Variants in PIK3C2G observed in about 807,000 individuals in gnomAD.
PIK3C2G encodes the protein phosphatidylinositol-4-phosphate 3-kinase catalytic subunit type 2 gamma.
PIK3C2G carries 168 observed loss-of-function variants against 181.1 expected under a neutral mutation model. The observed-to-expected ratio is 0.93, with a 90% confidence interval of 0.82 to 1.05. PIK3C2G has a LOEUF of 1.05. Ranked by LOEUF, PIK3C2G falls within the 50% of genes least tolerant of loss-of-function variation. PIK3C2G has a pLI of 0.00. For synonymous variants in PIK3C2G, 573 were observed against 592.2 expected (o/e 0.97, Z 0.47); for missense variants, 1,869 against 1,732.8 (o/e 1.08, Z -1.40).
the PIK3C2G span, chr12:18,705,085 C>A: frequency 5.2e-6 from 8 of 1,533,416 alleles, no homozygotes; most frequent in African/African-American, 9.6e-5. Context: ...GGTCTCTAGC[C>A]CAGTTTCACA....
At chr12:18,458,160 G>C (rs1249620890) in intron 18 of PIK3C2G, among the ~76,000 whole-genome samples, 1 of 152,116 alleles carries the variant, frequency 6.6e-6, no homozygotes, top group Admixed American at 6.5e-5. Context: ...AAGGAATGAA[G>C]AAATGATAGG....
chr12:18,468,788 G>T (rs1938164718), intron 18 of PIK3C2G, among the ~76,000 whole-genome samples: 1 of 152,024 alleles, frequency 6.6e-6, no homozygotes, highest in Admixed American at 6.6e-5. Flanking sequence ...GTGCCTCTGT[G>T]AATTACTTTT....
chr12:18,719,915 T>C, the PIK3C2G span, among the ~76,000 whole-genome samples: 3 of 152,072 alleles, frequency 2.0e-5, no homozygotes, highest in Admixed American at 1.3e-4. Context: ...TATGGACCAA[T>C]GAACTTCGAC....
intron 1 of PIK3C2G, among the ~76,000 whole-genome samples, chr12:18,253,738 C>A (rs1485935143): frequency 2.6e-5 from 4 of 152,154 alleles, no homozygotes; most frequent in Non-Finnish European, 4.4e-5. Context: ...CAAAGTAATT[C>A]CAGCTTGATC....
chr12:18,502,022 A>G (rs766989236), intron 22 of PIK3C2G, among the ~76,000 whole-genome samples: 13 of 152,302 alleles, frequency 8.5e-5, no homozygotes, highest in Non-Finnish European at 1.8e-4. Context: ...CTGACATAAA[A>G]TGTTTTAAAT....
intron 31 of PIK3C2G, among the ~76,000 whole-genome samples, chr12:18,630,448 A>G (rs1949301529): frequency 6.6e-6 from 1 of 152,102 alleles, no homozygotes; most frequent in South Asian, 2.1e-4. Context: ...AGGAAGCCTG[A>G]TTCCAAGCAA....
intron 16 of PIK3C2G, among the ~76,000 whole-genome samples, chr12:18,412,085 TCCTA>T (rs1944897364): frequency 6.6e-6 from 1 of 152,148 alleles, no homozygotes. Flanking sequence ...CTCTGGATAT[TCCTA>T]CAGTGCTCTG....
At chr12:18,489,902 T>G (rs1183939014) in intron 19 of PIK3C2G, among the ~76,000 whole-genome samples, 1 of 152,148 alleles carries the variant, frequency 6.6e-6, no homozygotes, top group Non-Finnish European at 1.5e-5. Context: ...ATATTGACAT[T>G]ATTCACTCAG....
At chr12:18,265,509 A>G (rs1948446519) in intron 1 of PIK3C2G, among the ~76,000 whole-genome samples, 2 of 152,164 alleles carry the variant, frequency 1.3e-5, no homozygotes, top group Admixed American at 1.3e-4. Flanking sequence ...TACCTGATTC[A>G]TAAATGCCTA....
chr12:18,385,560 A>G lies in PIK3C2G; in HGVS notation c.1995+3680A>G, dbSNP rs1278463769. On this transcript the variant is annotated intron_variant, in intron 14 of 32. Transcript: ENST00000538779. Reference sequence around the variant, plus strand: ...ATTCATGCGGTTCTTGTTCTAGTCTATGTTTCTTTATTATTATTATTATTT... The same window carrying G: ...ATTCATGCGGTTCTTGTTCTAGTCTGTGTTTCTTTATTATTATTATTATTT... Among the ~76,000 whole-genome samples, 4 of 151,792 alleles carry G rather than the reference A, an allele frequency of 2.6e-5. No individual in the cohort carries two copies. In the East Asian group the frequency reaches 7.7e-4, roughly 29 times the overall value.
intron 16 of PIK3C2G, among the ~76,000 whole-genome samples, chr12:18,405,021 AAGAG>A (rs1944441285): frequency 6.6e-6 from 1 of 152,300 alleles, no homozygotes; most frequent in Admixed American, 6.5e-5. Context: ...GAAAGTAAAA[AAGAG>A]AGAAGAAATA....
At chr12:18,650,347 ATGTGTGTG>A (rs71064013), downstream of PIK3C2G, among the ~76,000 whole-genome samples, 6,994 of 114,528 alleles carry the variant, frequency 0.061, 218 homozygotes, top group Middle Eastern at 0.12. Flanking sequence ...ATATATATAT[ATGTGTGTG>A]TGTGTGTGTG....
At chr12:18,293,864 A>T in intron 4 of PIK3C2G, 37 bp from the exon 5 acceptor site, 1 of 1,000,782 alleles carries the variant, frequency 1.0e-6, no homozygotes, top group Admixed American at 1.8e-5. Context: ...TATATGATAC[A>T]CTTTTATTGA....
chr12:18,574,539 C>T (rs1946133765), intron 29 of PIK3C2G, among the ~76,000 whole-genome samples: 1 of 152,110 alleles, frequency 6.6e-6, no homozygotes, highest in Admixed American at 6.6e-5. Flanking sequence ...TTTTTCCCTC[C>T]CCATACCACT....
At chr12:18,602,605 A>T (rs1947794871) in intron 30 of PIK3C2G, among the ~76,000 whole-genome samples, 1 of 151,576 alleles carries the variant, frequency 6.6e-6, no homozygotes, top group Non-Finnish European at 1.5e-5. Context: ...AAAGCTAAGG[A>T]CCCCCACAGA....
intron 22 of PIK3C2G, among the ~76,000 whole-genome samples, chr12:18,502,533 G>A (rs1941562933): frequency 1.3e-5 from 2 of 152,122 alleles, no homozygotes; most frequent in Non-Finnish European, 2.9e-5. Context: ...TTATCCCTGA[G>A]AGAGCTTTAA....
chr12:18,598,264 G>T (rs1391606484), intron 30 of PIK3C2G, among the ~76,000 whole-genome samples: 1 of 151,772 alleles, frequency 6.6e-6, no homozygotes, highest in East Asian at 1.9e-4. Flanking sequence ...CAAGGCTACA[G>T]TAACCAAAAC....
intron 17 of PIK3C2G, 86 bp from the exon 18 acceptor site, chr12:18,423,859 A>G (rs1945629272): frequency 6.6e-6 from 5 of 759,344 alleles, no homozygotes; most frequent in Non-Finnish European, 1.1e-5. Context: ...TGTTTTCTCT[A>G]GTCTTTTCTC....
At chr12:18,696,105 T>C in the PIK3C2G span, 1 of 1,058,510 alleles carries the variant, frequency 9.4e-7, no homozygotes, top group East Asian at 2.6e-5. Flanking sequence ...AATGAATTCA[T>C]TTTATGTTAC....
Sources: gnomAD v4.1 joint callset for allele counts (sites outside exome capture counted in the v4.1 genomes callset) on GRCh38, gnomAD v4.1.1 for gene constraint, MANE v1.5 for transcripts, NCBI Gene and HGNC (gene_info 2026-07-23, HGNC 2026-07-21) for gene names.